The following MATR3 variants were observed in gnomAD, a reference collection of about 807,000 sequenced individuals.
The protein encoded by MATR3 is matrin 3, also known as matrin-3.
A neutral mutation model predicts 85.5 loss-of-function variants in MATR3; 4 were observed. The ratio of observed to expected loss-of-function variants is 0.05; its 90% CI spans 0.02 to 0.11. The LOEUF (loss-of-function observed/expected upper bound fraction) is 0.11, where lower values mean the gene tolerates loss of function less well. Ranked by LOEUF, MATR3 falls within the 10% of genes least tolerant of loss-of-function variation. The probability of loss-of-function intolerance (pLI) is 1.00; values close to 1 mark genes in which losing one functional copy is unlikely to be tolerated. For missense variants in MATR3, 685 were observed against 1,016.1 expected, an observed-to-expected ratio of 0.67 and a Z score of 4.43; for synonymous variants, 336 against 343.1, an observed-to-expected ratio of 0.98 and a Z score of 0.23.
intron 12 of MATR3, among the ~76,000 whole-genome samples, chr5:139,324,106 C>T (rs1399742897): frequency 2.6e-5 from 4 of 152,008 alleles, no homozygotes; most frequent in African/African-American, 4.8e-5. Context: ...CATTTAATGC[C>T]ATACGTTTTT....
chr5:139,275,466 G>A (rs1398277192), intron 1 of MATR3, among the ~76,000 whole-genome samples: 1 of 151,884 alleles, frequency 6.6e-6, no homozygotes, highest in Non-Finnish European at 1.5e-5. Context: ...TTCACTGCCC[G>A]TTTCTCTCAC....
At chr5:139,297,741 C>T (rs1754229496) in intron 1 of MATR3, among the ~76,000 whole-genome samples, 1 of 152,080 alleles carries the variant, frequency 6.6e-6, no homozygotes, top group Non-Finnish European at 1.5e-5. Flanking sequence ...ATAGATAAAG[C>T]TCAAGGCTCT....
At chr5:139,325,008 A>G (rs915873710) in intron 12 of MATR3, among the ~76,000 whole-genome samples, 1 of 151,920 alleles carries the variant, frequency 6.6e-6, no homozygotes, top group Non-Finnish European at 1.5e-5. Context: ...TGGCTAACAC[A>G]GTGAAACCCC....
chr5:139,278,551 T>G, intron 2 of MATR3: 5 of 362,030 alleles, frequency 1.4e-5, no homozygotes, highest in South Asian at 1.0e-4. Context: ...ATATCTTGTT[T>G]TATTCACTGC....
chr5:139,319,806 T>C (rs966209666), intron 9 of MATR3, among the ~76,000 whole-genome samples: 4 of 142,794 alleles, frequency 2.8e-5, no homozygotes, highest in African/African-American at 7.8e-5. Context: ...ATTGCACCAC[T>C]GCACTCCAGC....
upstream of MATR3, among the ~76,000 whole-genome samples, chr5:139,290,835 C>A (rs1453546053): frequency 6.6e-6 from 1 of 152,144 alleles, no homozygotes; most frequent in Non-Finnish European, 1.5e-5. Context: ...TCCCTGGGCT[C>A]AAGACCCATA....
chr5:139,290,353 C>T (rs909909031), upstream of MATR3, among the ~76,000 whole-genome samples: 8 of 150,448 alleles, frequency 5.3e-5, no homozygotes, highest in Admixed American at 3.3e-4. Context: ...CTATGTTGGC[C>T]AGGCTGGTCT....
chr5:139,326,438 T>A (rs906847332), intron 14 of MATR3, among the ~76,000 whole-genome samples, 154 bp downstream of exon 14: 15 of 151,308 alleles, frequency 9.9e-5, no homozygotes, highest in Admixed American at 1.3e-4. Context: ...TTTTTTTTTT[T>A]AAAGACAGTT....
Position 139,275,113 on chromosome 5 carries a change from C to T in MATR3, c.-287+952C>T, listed in dbSNP as rs1753220215. Among the ~76,000 whole-genome samples, 4 of 146,258 alleles carry T rather than the reference C, an allele frequency of 2.7e-5. No individual in the cohort carries two copies. The South Asian group carries it at 8.8e-4, about 32-fold the overall frequency. On this transcript the variant is annotated intron_variant, in intron 1 of 16. Coordinates refer to ENST00000509990, the Ensembl canonical transcript of MATR3. ...GCCTCAGCATCCCGAGTAACAGGGA[C>T]TACAGGTGCCCGCCACCACGCCCGG... is the stretch of plus-strand genomic sequence containing the variant.
Position 139,314,559 on chromosome 5 carries a change from A to G in MATR3, c.913-116A>G, listed in dbSNP as rs1581244124. The G allele has an allele frequency of 4.6e-5, 35 of 765,028 alleles. No homozygotes were observed. The Middle Eastern group carries it at 1.7e-3, about 38-fold the overall frequency. The allele number at this position is 765,028 out of a possible 1,614,324, so 47.4% of individuals were successfully genotyped here. On this transcript the variant is annotated intron_variant, in intron 2 of 14. Transcript: ENST00000394805. ...AATCAATGTGATTTAGTGAATGGGC[A>G]GGTGTTTGTACAGCCTATGATACTG...
At chr5:139,281,369 T>TG (rs1753518325) in intron 3 of MATR3, among the ~76,000 whole-genome samples, 1 of 147,952 alleles carries the variant, frequency 6.8e-6, no homozygotes, top group Non-Finnish European at 1.5e-5. Context: ...TTTTTTTTTT[T>TG]TTTTGCTCTG....
rs1273115470 is a variant in MATR3 at position 139,307,167 on chromosome 5, A to G, written c.-177-72A>G. The G allele has an allele frequency of 9.1e-7, 1 of 1,097,072 alleles. No individual in the cohort carries two copies. Among genetic ancestry groups the G allele is most frequent in the African/African-American group, 1.6e-5 (1 of 61,178 alleles). 68.0% of individuals were successfully genotyped at this position (1,097,072 alleles called of 1,614,324 possible). A position where few individuals can be genotyped will look rare whatever the true frequency, so the allele number is the denominator to read the frequency against. On this transcript the variant is annotated intron_variant, in intron 1 of 14. Transcript: ENST00000394805. This position sits in a 1 kb window ranked among gnomAD's most constrained non-coding sequence, Gnocchi z 4.4. Reference sequence around the variant, plus strand: ...TTTTTTTTAAATCAACATGATGCATAAGTTTTTTTTTCTTAAAAAAACGGC... The same window carrying G: ...TTTTTTTTAAATCAACATGATGCATGAGTTTTTTTTTCTTAAAAAAACGGC...
At chr5:139,288,726 C>T (rs1000141260) in intron 3 of MATR3, among the ~76,000 whole-genome samples, 5 of 152,208 alleles carry the variant, frequency 3.3e-5, no homozygotes, top group Admixed American at 1.3e-4. Flanking sequence ...CTGCAAGCTC[C>T]GCCTCCTGGG....
At chr5:139,309,671 C>CA (rs1491539762) in intron 2 of MATR3, among the ~76,000 whole-genome samples, 1 of 152,048 alleles carries the variant, frequency 6.6e-6, no homozygotes, top group African/African-American at 2.4e-5. Context: ...ACCCCAGACT[C>CA]ACAAAAGCCA....
chr5:139,299,753 T>C (rs748524938), intron 1 of MATR3: 1 of 152,158 alleles, frequency 6.6e-6, no homozygotes, highest in Non-Finnish European at 1.5e-5. Flanking sequence ...TGTTTCAGGT[T>C]GTTTATGTTG....
At chr5:139,323,339 A>G (rs959876926) in intron 12 of MATR3, among the ~76,000 whole-genome samples, 3 of 152,196 alleles carry the variant, frequency 2.0e-5, no homozygotes, top group Admixed American at 6.5e-5. Context: ...GACCCAACAT[A>G]GTTAAAACTT....
In MATR3 at chr5:139,325,583, T is replaced by C. The variant is rs1444955626; in HGVS notation, c.2292T>C (p.Gly764=). 6.2e-7 allele frequency: 1 copy of C among 1,614,160 alleles called. No individual in the cohort carries two copies. The highest frequency in any genetic ancestry group is 1.1e-5 in the South Asian group (1 of 91,074). ...PNKDTSENAD[G]QSDENKDDYT... The stretch of plus-strand genomic sequence containing the variant: ...AAGATACAAGTGAAAACGCAGATGG[T>C]CAAAGTGATGAGAACAAGGACGACT... The change falls in exon 13 of 15, where the codon GGT becomes GGC. Residue 764 remains glycine (G), a synonymous_variant. Transcript: ENST00000394805.
upstream of MATR3, among the ~76,000 whole-genome samples, chr5:139,289,961 G>A (rs919029902): frequency 6.6e-6 from 1 of 152,144 alleles, no homozygotes; most frequent in Non-Finnish European, 1.5e-5. Flanking sequence ...CCTCTTGGTA[G>A]CATTTGACCC....
Position 139,308,134 on chromosome 5 carries a change from C to G in MATR3, c.719C>G (p.Ser240Trp). The G allele has an allele frequency of 6.2e-7, 1 of 1,613,818 alleles. No homozygotes were observed. The change falls in exon 2 of 15, where the codon TCG becomes TGG. Residue 240 changes from serine (S) to tryptophan (W), a missense_variant. By Grantham distance (177) the Ser-to-Trp change is radical. Coordinates refer to ENST00000394805, the MANE Select transcript of MATR3 (RefSeq NM_018834.6). ...GATGATTCTTTTTTTGGTGAGACCT[C>G]GCATAACTATCATAAATTTGACAGT... ...CRDDSFFGET[S>W]HNYHKFDSEY...
Sources: gnomAD v4.1 joint callset for allele counts (sites outside exome capture counted in the v4.1 genomes callset) on GRCh38, gnomAD v4.1.1 for gene constraint, Gnocchi (gnomAD v3.1) non-coding constraint, MANE v1.5 for transcripts, NCBI Gene and HGNC (gene_info 2026-07-23, HGNC 2026-07-21) for gene names.